The following MINDY4 variants were observed in gnomAD, a reference collection of about 807,000 sequenced individuals.
MINDY4 encodes probable ubiquitin carboxyl-terminal hydrolase MINDY-4.
Under a neutral mutation model 87.0 loss-of-function variants are expected in MINDY4, and 68 were observed. The ratio of observed to expected loss-of-function variants is 0.78; its 90% CI spans 0.64 to 0.96. The LOEUF is 0.96. Among genes scored for constraint, MINDY4 ranks in the 40% least tolerant of loss-of-function variants. The probability of loss-of-function intolerance (pLI) is 0.00; values close to 1 mark genes in which losing one functional copy is unlikely to be tolerated. For missense variants in MINDY4, 919 were observed against 928.2 expected, an observed-to-expected ratio of 0.99 and a Z score of 0.13; for synonymous variants, 379 against 363.2, an observed-to-expected ratio of 1.04 and a Z score of -0.50.
chr7:30,841,072 T>C (rs1379420538), intron 9 of MINDY4, among the ~76,000 whole-genome samples: 2 of 152,016 alleles, frequency 1.3e-5, no homozygotes, highest in African/African-American at 4.8e-5. Context: ...TCAGTGGTGC[T>C]CCACCTGGGA....
intron 17 of MINDY4, among the ~76,000 whole-genome samples, chr7:30,888,984 A>G (rs1317748254): frequency 1.3e-5 from 2 of 152,154 alleles, no homozygotes; most frequent in Non-Finnish European, 2.9e-5. Flanking sequence ...TTGGGAGCTC[A>G]TACGAGGTAC....
rs370449748 is a variant in MINDY4, at chr7:30,860,567, G to A, written c.1745+1243G>A. On this transcript the variant is annotated intron_variant, in intron 13 of 17. Transcript: ENST00000265299. ...GGGAGTCTCCAGATCTCCCTGAGGG[G>A]AAGCTGCACTCTCAGGAGGGCCAGG... 2.2e-4 allele frequency among the ~76,000 whole-genome samples: 33 copies of A among 152,250 alleles called. No individual in the cohort carries two copies. In the South Asian group the frequency reaches 6.4e-3, roughly 30 times the overall value.
chr7:30,808,678 G>T (rs1787890594), intron 5 of MINDY4, among the ~76,000 whole-genome samples: 1 of 152,082 alleles, frequency 6.6e-6, no homozygotes, highest in South Asian at 2.1e-4. Flanking sequence ...CATTAGAGGT[G>T]GTTTGGCCAT....
chr7:30,891,253 G>A (rs1219989540), intron 17 of MINDY4, among the ~76,000 whole-genome samples: 2 of 152,150 alleles, frequency 1.3e-5, no homozygotes, highest in Non-Finnish European at 2.9e-5. Flanking sequence ...ATTCTTCTGA[G>A]TGTTTTTAGA....
chr7:30,784,198 A>G (rs550004615), intron 3 of MINDY4, among the ~76,000 whole-genome samples: 3 of 152,272 alleles, frequency 2.0e-5, no homozygotes, highest in South Asian at 4.1e-4. Flanking sequence ...CTGGCTGGGA[A>G]GTGAAATACT....
At chr7:30,838,384 G>T (rs986612818) in intron 7 of MINDY4, among the ~76,000 whole-genome samples, 2 of 152,142 alleles carry the variant, frequency 1.3e-5, no homozygotes, top group Non-Finnish European at 2.9e-5. Context: ...AGTTCACGGG[G>T]GACCACTCAT....
chr7:30,872,351 G>A (rs372872990), intron 14 of MINDY4, 45 bp downstream of exon 14: 3 of 1,560,218 alleles, frequency 1.9e-6, no homozygotes, highest in East Asian at 2.2e-5. Context: ...CCCCTCCTCT[G>A]TCCCTCAGAG....
chr7:30,848,947 C>A (rs1303724235), intron 9 of MINDY4, among the ~76,000 whole-genome samples: 1 of 152,240 alleles, frequency 6.6e-6, no homozygotes, highest in East Asian at 1.9e-4. Flanking sequence ...ATAGTCACCA[C>A]GTGCCAGCCA....
intron 5 of MINDY4, among the ~76,000 whole-genome samples, chr7:30,812,030 T>G (rs1308298841): frequency 6.6e-6 from 1 of 152,212 alleles, no homozygotes; most frequent in East Asian, 1.9e-4. Flanking sequence ...ATTATTCTTC[T>G]TTTTAAAGAA....
At chr7:30,804,307 A>G (rs1393062449) in intron 5 of MINDY4, among the ~76,000 whole-genome samples, 2 of 152,164 alleles carry the variant, frequency 1.3e-5, no homozygotes, top group Non-Finnish European at 2.9e-5. Flanking sequence ...GATTTCTTTC[A>G]TTTCCTGTTG....
At chr7:30,847,605 G>A (rs1584309428) in intron 9 of MINDY4, among the ~76,000 whole-genome samples, 1 of 152,132 alleles carries the variant, frequency 6.6e-6, no homozygotes, top group South Asian at 2.1e-4. Context: ...TTTACAAAGA[G>A]GATATAATGG....
intron 10 of MINDY4, among the ~76,000 whole-genome samples, chr7:30,850,971 A>G (rs1789397030): frequency 6.6e-6 from 1 of 152,160 alleles, no homozygotes; most frequent in Admixed American, 6.5e-5. Flanking sequence ...CCCAAAGCAC[A>G]CTGCCATTTG....
At chr7:30,885,897 C>G (rs767309519) in intron 17 of MINDY4, among the ~76,000 whole-genome samples, 4 of 152,184 alleles carry the variant, frequency 2.6e-5, no homozygotes, top group African/African-American at 7.2e-5. Flanking sequence ...CCACTTCCCC[C>G]ATCAATCCCC....
At chr7:30,841,098 G>A (rs908705788) in intron 9 of MINDY4, among the ~76,000 whole-genome samples, 4 of 151,378 alleles carry the variant, frequency 2.6e-5, no homozygotes, top group African/African-American at 9.8e-5. Flanking sequence ...CTGCAGGAAC[G>A]ACATCAAAAC....
rs372001411 is a variant in MINDY4, at chr7:30,785,993, G to A, written c.663+1G>A. The A allele has an allele frequency of 2.2e-5, 35 of 1,613,904 alleles. No homozygotes were observed. Among genetic ancestry groups the A allele is most frequent in the South Asian group, 4.4e-5 (4 of 91,074 alleles). On this transcript the variant is annotated splice_donor_variant, in intron 4 of 17. Transcript: ENST00000265299. LOFTEE classifies it high-confidence loss of function. The stretch of plus-strand genomic sequence containing the variant: ...TGGGCCCATCGCCAGCTCCCCACAG[G>A]TGGGGCTGTTGCTCTTTCTGTTGTT...
At chr7:30,777,329 T>A (rs971847422) in intron 1 of MINDY4, among the ~76,000 whole-genome samples, 5 of 152,190 alleles carry the variant, frequency 3.3e-5, no homozygotes, top group African/African-American at 9.7e-5. Flanking sequence ...TCCACATCAC[T>A]TTGACTGGAG....
At position 30,839,180 on chromosome 7, in the gene MINDY4, ACT is replaced by A. The variant is rs760305852; in HGVS notation, c.1240-13_1240-12del. 1.4e-5 allele frequency: 22 copies of A among 1,520,466 alleles called. No homozygotes were observed. Among genetic ancestry groups the A allele is most frequent in the Middle Eastern group, 1.7e-4 (1 of 5,824 alleles). 94.2% of individuals were successfully genotyped at this position (1,520,466 alleles called of 1,614,324 possible). ...GCTTGCTTTTAAAACAACCAGTAAA[ACT>A]CTCTCTTCTTTTTATAGGAAATAAA... On this transcript the variant is annotated intron_variant, in intron 7 of 17. Transcript: ENST00000265299.
intron 13 of MINDY4, among the ~76,000 whole-genome samples, chr7:30,861,289 G>A (rs117410997): frequency 0.013 from 1,959 of 152,306 alleles, 30 homozygotes; most frequent in Admixed American, 0.023. Flanking sequence ...CATTGCCAGC[G>A]GTAAGGATAG....
intron 12 of MINDY4, among the ~76,000 whole-genome samples, chr7:30,857,303 C>T (rs1789604624): frequency 6.6e-6 from 1 of 152,126 alleles, no homozygotes; most frequent in African/African-American, 2.4e-5. Flanking sequence ...ATACTCCCTC[C>T]CCGAACTTGA....
Sources: gnomAD v4.1 joint callset for allele counts (sites outside exome capture counted in the v4.1 genomes callset) on GRCh38, gnomAD v4.1.1 for gene constraint, MANE v1.5 for transcripts, NCBI Gene and HGNC (gene_info 2026-07-23, HGNC 2026-07-21) for gene names.